DYNC1I2: variants seen among roughly 807,000 people sequenced by gnomAD.
DYNC1I2 encodes cytoplasmic dynein 1 intermediate chain 2.
A neutral mutation model predicts 88.6 loss-of-function variants in DYNC1I2; 53 were observed. The ratio of observed to expected loss-of-function variants is 0.60; its 90% CI spans 0.48 to 0.75. The LOEUF (loss-of-function observed/expected upper bound fraction) is 0.75, where lower values mean the gene tolerates loss of function less well. DYNC1I2 is among the 30% of genes least tolerant of loss of function. DYNC1I2 has a pLI of 0.00. For synonymous variants in DYNC1I2, 198 were observed against 254.6 expected (o/e 0.78, Z 2.12); for missense variants, 458 against 766.6 (o/e 0.60, Z 4.75).
At chr2:171,696,276 A>G (rs532522089) in intron 3 of DYNC1I2, among the ~76,000 whole-genome samples, 6 of 152,312 alleles carry the variant, frequency 3.9e-5, no homozygotes, top group South Asian at 2.1e-4. Context: ...TCAGCATTCA[A>G]AATGCCCCAA....
At chr2:171,703,012 A>C (rs1686389626) in intron 3 of DYNC1I2, among the ~76,000 whole-genome samples, 1 of 152,164 alleles carries the variant, frequency 6.6e-6, no homozygotes, top group African/African-American at 2.4e-5. Flanking sequence ...GGCATGAGTC[A>C]CTGTCCCTGC....
chr2:171,722,049 T>C (rs1687938895), intron 7 of DYNC1I2, among the ~76,000 whole-genome samples: 1 of 152,164 alleles, frequency 6.6e-6, no homozygotes, highest in African/African-American at 2.4e-5. Flanking sequence ...AAAATGTATC[T>C]TAAATGTACT....
At chr2:171,699,822 G>T (rs183229680) in intron 3 of DYNC1I2, among the ~76,000 whole-genome samples, 2 of 151,744 alleles carry the variant, frequency 1.3e-5, no homozygotes, top group Admixed American at 1.3e-4. Context: ...ATTTTTTTTT[G>T]TATAGATGGG....
chr2:171,714,192 T>C (rs1055293634), intron 6 of DYNC1I2, among the ~76,000 whole-genome samples: 1 of 152,118 alleles, frequency 6.6e-6, no homozygotes, highest in Non-Finnish European at 1.5e-5. Context: ...GACTATACTT[T>C]TTTTTTCCCT....
At chr2:171,689,089 A>G (rs1298313688) in intron 1 of DYNC1I2, among the ~76,000 whole-genome samples, 1 of 152,102 alleles carries the variant, frequency 6.6e-6, no homozygotes, top group Non-Finnish European at 1.5e-5. Flanking sequence ...TGAAGCTCAG[A>G]TTGTAATTGT....
At chr2:171,696,957 T>C (rs981508451) in intron 3 of DYNC1I2, among the ~76,000 whole-genome samples, 1 of 152,110 alleles carries the variant, frequency 6.6e-6, no homozygotes. Flanking sequence ...TGCTGTACCA[T>C]ACATACATTG....
At chr2:171,746,799 A>G (rs1689813827) in intron 17 of DYNC1I2, among the ~76,000 whole-genome samples, 2 of 152,162 alleles carry the variant, frequency 1.3e-5, no homozygotes, top group Non-Finnish European at 2.9e-5. Flanking sequence ...TGGATAGTGT[A>G]GATTTATAAA....
At chr2:171,742,937 C>T (rs1351672372) in intron 15 of DYNC1I2, among the ~76,000 whole-genome samples, 2 of 152,114 alleles carry the variant, frequency 1.3e-5, no homozygotes, top group Non-Finnish European at 2.9e-5. Context: ...TGAGAACTTA[C>T]TTATACTGCA....
intron 6 of DYNC1I2, 45 bp from the exon 7 acceptor site, chr2:171,715,283 G>T: frequency 8.3e-7 from 1 of 1,208,122 alleles, no homozygotes; most frequent in Non-Finnish European, 1.2e-6. Flanking sequence ...AAATAACATG[G>T]TTTGATGTAG....
chr2:171,726,596 A>G (rs1281704117), intron 10 of DYNC1I2, 195 bp from the exon 11 acceptor site: 15 of 622,190 alleles, frequency 2.4e-5, no homozygotes, highest in Non-Finnish European at 2.5e-6. Flanking sequence ...ACATTAAAAC[A>G]TTTAAAATAA....
At chr2:171,747,232 T>TGTTATTG (rs1689859320) in intron 17 of DYNC1I2, among the ~76,000 whole-genome samples, 1 of 145,786 alleles carries the variant, frequency 6.9e-6, no homozygotes, top group Non-Finnish European at 1.5e-5. Context: ...TATATATATA[T>TGTTATTG]GTTATTGGGC....
At chr2:171,722,584 A>G (rs909623939) in intron 7 of DYNC1I2, among the ~76,000 whole-genome samples, 2 of 152,144 alleles carry the variant, frequency 1.3e-5, no homozygotes, top group African/African-American at 4.8e-5. Flanking sequence ...CAGAACTGTA[A>G]TTTTATATTT....
chr2:171,711,523 T>A (rs77961514), intron 5 of DYNC1I2, among the ~76,000 whole-genome samples: 242 of 152,358 alleles, frequency 1.6e-3, no homozygotes, highest in African/African-American at 5.7e-3. Flanking sequence ...TTACATAATG[T>A]AAATGACAGA....
chr2:171,707,124 C>T (rs1353615837), intron 4 of DYNC1I2, 163 bp from the exon 5 acceptor site: 4 of 1,022,584 alleles, frequency 3.9e-6, no homozygotes, highest in African/African-American at 1.6e-5. Context: ...GTCTTTTCCC[C>T]TTTCTTTCTG....
rs115739456 is a variant in DYNC1I2 at position 171,708,158 on chromosome 2, C to T, written c.335+781C>T. The stretch of plus-strand genomic sequence containing the variant: ...GAAATTAAACATAGGTAGTCAAAAT[C>T]CACAGCTGATTAAGAATGCTTATTT... On this transcript the variant is annotated intron_variant, in intron 5 of 17. Transcript: ENST00000397119. Among the ~76,000 whole-genome samples the T allele has an allele frequency of 3.3e-3, 496 of 151,702 alleles. 3 individuals are homozygous for T. The highest frequency in any genetic ancestry group is 0.01 in the Middle Eastern group (3 of 294).
intron 5 of DYNC1I2, among the ~76,000 whole-genome samples, chr2:171,710,493 A>G (rs1432535556): frequency 6.6e-6 from 1 of 152,176 alleles, no homozygotes; most frequent in Non-Finnish European, 1.5e-5. Context: ...AGACATTATA[A>G]AATATGCTGT....
chr2:171,698,706 A>G (rs1347538296), intron 3 of DYNC1I2, among the ~76,000 whole-genome samples: 1 of 151,740 alleles, frequency 6.6e-6, no homozygotes, highest in African/African-American at 2.4e-5. Context: ...CATCTCTACT[A>G]AAAATACAAA....
chr2:171,736,408 T>G (rs1689011283), intron 15 of DYNC1I2, among the ~76,000 whole-genome samples: 1 of 152,206 alleles, frequency 6.6e-6, no homozygotes, highest in African/African-American at 2.4e-5. Context: ...AAAACATAAC[T>G]GCCAGAAGGC....
intron 3 of DYNC1I2, among the ~76,000 whole-genome samples, chr2:171,701,930 G>A (rs1439614244): frequency 6.6e-6 from 1 of 152,190 alleles, no homozygotes; most frequent in Non-Finnish European, 1.5e-5. Flanking sequence ...GTTTTTAGCT[G>A]TCAGTAATTA....
Sources: allele counts gnomAD v4.1 joint callset (sites outside exome capture counted in the v4.1 genomes callset), GRCh38; gene constraint gnomAD v4.1.1; transcripts MANE v1.5; gene names NCBI Gene and HGNC (gene_info 2026-07-23, HGNC 2026-07-21).